The following NDUFA10 variants were observed in gnomAD, a reference collection of about 807,000 sequenced individuals.
NDUFA10 encodes NADH dehydrogenase [ubiquinone] 1 alpha subcomplex subunit 10, mitochondrial.
Under a neutral mutation model 47.8 loss-of-function variants are expected in NDUFA10, and 40 were observed. The observed-to-expected ratio is 0.84, with a 90% CI of 0.65 to 1.09. NDUFA10 has a LOEUF of 1.09. Ranked by LOEUF, NDUFA10 falls within the 50% of genes least tolerant of loss-of-function variation. NDUFA10 has a pLI of 0.00. For missense variants in NDUFA10, 413 were observed against 451.1 expected (o/e 0.92, Z 0.76); for synonymous variants, 183 against 172.2 (o/e 1.06, Z -0.49).
At chr2:239,938,346 C>A (rs915730700) in intron 4 of NDUFA10, among the ~76,000 whole-genome samples, 18 of 152,250 alleles carry the variant, frequency 1.2e-4, no homozygotes, top group Non-Finnish European at 8.8e-5. Flanking sequence ...TGCACAGGCC[C>A]CCCTGAGGAC....
chr2:239,985,056 G>A (rs1695943004), intron 9 of NDUFA10, among the ~76,000 whole-genome samples: 1 of 152,188 alleles, frequency 6.6e-6, no homozygotes, highest in Non-Finnish European at 1.5e-5. Flanking sequence ...AGACGGTAAA[G>A]CGCATCCTCT....
intron 9 of NDUFA10, among the ~76,000 whole-genome samples, chr2:239,986,459 G>A (rs922949625): frequency 2.0e-5 from 3 of 152,154 alleles, no homozygotes; most frequent in Admixed American, 2.0e-4. Context: ...TATGGACCAC[G>A]AGAGCACTAA....
intron 4 of NDUFA10, among the ~76,000 whole-genome samples, chr2:239,930,113 G>C (rs1694138543): frequency 7.6e-6 from 1 of 131,106 alleles, no homozygotes; most frequent in African/African-American, 3.0e-5. Context: ...AACTGCCCCT[G>C]CTCCTCCACC....
intron 8 of NDUFA10, among the ~76,000 whole-genome samples, chr2:240,003,305 C>G (rs1294351643): frequency 6.6e-6 from 1 of 152,216 alleles, no homozygotes; most frequent in Non-Finnish European, 1.5e-5. Context: ...GGCCTAAGAA[C>G]ACCAACATCA....
intron 4 of NDUFA10, among the ~76,000 whole-genome samples, chr2:239,902,879 C>T (rs1445234144): frequency 2.0e-5 from 3 of 151,792 alleles, no homozygotes; most frequent in East Asian, 1.9e-4. Context: ...GGGCTGGGCT[C>T]CTGCTCCCCC....
chr2:239,910,447 CA>C (rs1218555057), intron 4 of NDUFA10, among the ~76,000 whole-genome samples: 1 of 152,176 alleles, frequency 6.6e-6, no homozygotes, highest in Admixed American at 6.5e-5. Context: ...CCATCATCCT[CA>C]GTCAAACTAA....
intron 6 of NDUFA10, 21 bp from the exon 7 acceptor site, chr2:240,007,391 AAAT>A: frequency 6.5e-7 from 1 of 1,527,208 alleles, no homozygotes; most frequent in Non-Finnish European, 9.1e-7. Context: ...AAACAAGATG[AAAT>A]TCAGTGTAAA....
intron 4 of NDUFA10, among the ~76,000 whole-genome samples, chr2:239,940,107 G>A (rs1694337636): frequency 6.6e-6 from 1 of 152,270 alleles, no homozygotes; most frequent in African/African-American, 2.4e-5. Context: ...CAAACTTTCT[G>A]TAAAGGGTTG....
intron 4 of NDUFA10, among the ~76,000 whole-genome samples, chr2:239,948,092 A>C (rs956940409): frequency 6.7e-6 from 1 of 150,182 alleles, no homozygotes; most frequent in African/African-American, 2.4e-5. Flanking sequence ...CTGTTTGAGC[A>C]AAAGTCCAGA....
intron 9 of NDUFA10, among the ~76,000 whole-genome samples, chr2:239,970,524 A>G (rs1269405229): frequency 1.3e-5 from 2 of 152,280 alleles, no homozygotes; most frequent in African/African-American, 2.4e-5. Flanking sequence ...AATTGTTTCA[A>G]TCTCTTTAAA....
intron 3 of NDUFA10, 99 bp from the exon 4 acceptor site, chr2:240,018,738 T>G: frequency 2.3e-6 from 3 of 1,282,018 alleles, no homozygotes. Flanking sequence ...AACAATCATT[T>G]ACAATTCCAT....
chr2:239,948,270 G>A (rs890956833), intron 4 of NDUFA10, among the ~76,000 whole-genome samples: 2 of 152,194 alleles, frequency 1.3e-5, no homozygotes, highest in South Asian at 2.1e-4. Flanking sequence ...GCTGTGCTCC[G>A]GACAATGGCC....
Position 239,930,274 on chromosome 2 carries a change from ACCACCCCTGCTCCTCTG to A in NDUFA10, c.295-34977_295-34961del, listed in dbSNP as rs1257771142. ...AGTCCTCCGCCAGCCCTGCTTCTCC[ACCACCCCTGCTCCTCTG>A]CCACCCCTGCTCCTCCATTGCCCCT... On this transcript the variant is annotated intron_variant, in intron 4 of 5. Coordinates refer to the NDUFA10 transcript ENST00000419408. Among the ~76,000 whole-genome samples, 5 of 147,384 alleles carry A rather than the reference ACCACCCCTGCTCCTCTG, an allele frequency of 3.4e-5. No individual in the cohort carries two copies. In the East Asian group the frequency reaches 6.1e-4, roughly 18 times the overall value.
intron 4 of NDUFA10, among the ~76,000 whole-genome samples, chr2:239,904,646 A>G (rs1457890841): frequency 6.6e-6 from 1 of 152,212 alleles, no homozygotes; most frequent in Non-Finnish European, 1.5e-5. Context: ...GCCCTGCCCT[A>G]GGCACGGTGC....
At chr2:239,979,500 T>C (rs973318183) in intron 9 of NDUFA10, among the ~76,000 whole-genome samples, 23 of 152,142 alleles carry the variant, frequency 1.5e-4, no homozygotes, top group African/African-American at 5.6e-4. Context: ...CCTTCAGCAA[T>C]AGTCTGCTTA....
chr2:239,974,499 T>C (rs1462656880), intron 9 of NDUFA10, among the ~76,000 whole-genome samples: 1 of 152,260 alleles, frequency 6.6e-6, no homozygotes, highest in Non-Finnish European at 1.5e-5. Context: ...AATGAGAGTG[T>C]GGATGTCCCC....
At chr2:239,985,424 T>A (rs1297560821) in intron 9 of NDUFA10, among the ~76,000 whole-genome samples, 1 of 150,928 alleles carries the variant, frequency 6.6e-6, no homozygotes, top group East Asian at 2.0e-4. Context: ...AAAGGATGAT[T>A]AGTAACTTGA....
intron 6 of NDUFA10, among the ~76,000 whole-genome samples, chr2:240,010,727 T>C (rs1488008899): frequency 6.6e-6 from 1 of 152,184 alleles, no homozygotes; most frequent in Non-Finnish European, 1.5e-5. Flanking sequence ...ATTTCTCTTA[T>C]TCACTTTTGA....
At chr2:239,965,773 G>A (rs1449895294) in intron 9 of NDUFA10, among the ~76,000 whole-genome samples, 4 of 152,194 alleles carry the variant, frequency 2.6e-5, no homozygotes, top group Non-Finnish European at 4.4e-5. Context: ...AGCAAACCAA[G>A]AATCCTTAAG....
Sources: allele counts gnomAD v4.1 joint callset (sites outside exome capture counted in the v4.1 genomes callset), GRCh38; gene constraint gnomAD v4.1.1; transcripts MANE v1.5; gene names NCBI Gene and HGNC (gene_info 2026-07-23, HGNC 2026-07-21).